ATP8A2: variants seen among roughly 807,000 people sequenced by gnomAD.
ATP8A2 encodes the protein phospholipid-transporting ATPase IB.
ATP8A2 carries 100 observed loss-of-function variants against 165.6 expected under a neutral mutation model. That is an observed-to-expected ratio of 0.60 (90% CI 0.51 to 0.71). The LOEUF is 0.71. ATP8A2 is among the 30% of genes least tolerant of loss of function. The pLI is 0.00. For synonymous variants in ATP8A2, 543 were observed against 548.8 expected (o/e 0.99, Z 0.15); for missense variants, 1,227 against 1,479.5 (o/e 0.83, Z 2.80).
chr13:25,674,614 T>C (rs569205068), intron 24 of ATP8A2, among the ~76,000 whole-genome samples: 1 of 152,280 alleles, frequency 6.6e-6, no homozygotes, highest in Non-Finnish European at 1.5e-5. Flanking sequence ...CTCCTTTCTC[T>C]AAAGAGCATA....
intron 35 of ATP8A2, among the ~76,000 whole-genome samples, chr13:25,993,738 A>C (rs1010548914): frequency 2.6e-5 from 4 of 152,084 alleles, no homozygotes; most frequent in African/African-American, 9.7e-5. Context: ...TGTCTTGATT[A>C]TTGTAATTAT....
At chr13:25,554,551 G>C (rs1038713470) in intron 12 of ATP8A2, among the ~76,000 whole-genome samples, 2 of 151,046 alleles carry the variant, frequency 1.3e-5, no homozygotes, top group Non-Finnish European at 2.9e-5. Context: ...GTGTGTGTGT[G>C]TGTGTGTGTG....
chr13:25,885,078 T>C (rs1229977896), intron 33 of ATP8A2, among the ~76,000 whole-genome samples: 1 of 150,494 alleles, frequency 6.6e-6, no homozygotes, highest in Non-Finnish European at 1.5e-5. Context: ...CTCTCCAGCC[T>C]GAGAGTCAGT....
chr13:26,009,063 C>A (rs1182853734), intron 35 of ATP8A2, among the ~76,000 whole-genome samples: 1 of 152,062 alleles, frequency 6.6e-6, no homozygotes, highest in Non-Finnish European at 1.5e-5. Flanking sequence ...GACTGGAAAG[C>A]TGTTTCTTTT....
chr13:25,689,404 T>C (rs1566049676), intron 24 of ATP8A2, among the ~76,000 whole-genome samples: 1 of 152,198 alleles, frequency 6.6e-6, no homozygotes, highest in East Asian at 1.9e-4. Context: ...CTTAATGACA[T>C]AGTTCATTAA....
chr13:25,401,116 G>A (rs2033622554), intron 1 of ATP8A2, among the ~76,000 whole-genome samples: 1 of 152,158 alleles, frequency 6.6e-6, no homozygotes, highest in South Asian at 2.1e-4. Flanking sequence ...CAGTGAGTGT[G>A]CGGCACAGCT....
intron 23 of ATP8A2, among the ~76,000 whole-genome samples, chr13:25,588,029 G>A (rs1192869861): frequency 2.0e-5 from 3 of 152,054 alleles, no homozygotes; most frequent in Non-Finnish European, 4.4e-5. Flanking sequence ...AAATTATTCA[G>A]TTTGTTTTGG....
intron 25 of ATP8A2, among the ~76,000 whole-genome samples, chr13:25,744,567 T>TA (rs913576489): frequency 6.6e-6 from 1 of 152,182 alleles, no homozygotes; most frequent in African/African-American, 2.4e-5. Flanking sequence ...ACATCAGTGA[T>TA]AAAAATAATT....
chr13:25,453,356 C>T (rs2035279454), intron 1 of ATP8A2, among the ~76,000 whole-genome samples: 1 of 151,908 alleles, frequency 6.6e-6, no homozygotes, highest in Admixed American at 6.6e-5. Flanking sequence ...GAACTCCTGA[C>T]CTCAAGTGAT....
chr13:25,528,943 A>G (rs2037941550), intron 2 of ATP8A2, among the ~76,000 whole-genome samples: 1 of 152,042 alleles, frequency 6.6e-6, no homozygotes, highest in Non-Finnish European at 1.5e-5. Context: ...CATCATTTAT[A>G]TTAGGTGTAT....
At chr13:25,755,822 G>A (rs217896) in intron 25 of ATP8A2, among the ~76,000 whole-genome samples, 113,965 of 151,896 alleles carry the variant, frequency 0.75, 43,490 homozygotes, top group Non-Finnish European at 0.82. Context: ...TAGGAGAATC[G>A]ATTGAACCTG....
At chr13:25,689,999 C>G (rs1216719403) in intron 24 of ATP8A2, among the ~76,000 whole-genome samples, 3 of 152,068 alleles carry the variant, frequency 2.0e-5, no homozygotes, top group Non-Finnish European at 4.4e-5. Context: ...ATTCAAGAAT[C>G]TGTTTGTTTA....
At chr13:25,705,163 G>T (rs1016343573) in intron 25 of ATP8A2, 1 of 434,780 alleles carries the variant, frequency 2.3e-6, no homozygotes, top group South Asian at 1.7e-5. Context: ...TTCTTTGAAG[G>T]TCTTTATTTT....
At chr13:25,928,272 TA>T (rs1954668939) in intron 33 of ATP8A2, among the ~76,000 whole-genome samples, 1 of 152,232 alleles carries the variant, frequency 6.6e-6, no homozygotes, top group Admixed American at 6.5e-5. Context: ...TCATAGATAC[TA>T]GAACCTTTTC....
intron 27 of ATP8A2, among the ~76,000 whole-genome samples, chr13:25,801,882 C>T (rs551408592): frequency 1.3e-5 from 2 of 152,178 alleles, no homozygotes; most frequent in East Asian, 3.9e-4. Context: ...CACATGGCAG[C>T]ATCAAGGAGA....
chr13:25,452,039 G>A, intron 1 of ATP8A2, among the ~76,000 whole-genome samples: 1 of 151,996 alleles, frequency 6.6e-6, no homozygotes, highest in African/African-American at 2.4e-5. Flanking sequence ...ATTTTTAGTA[G>A]AGACGGGGTT....
chr13:25,954,076 C>T (rs192393502), intron 33 of ATP8A2, among the ~76,000 whole-genome samples: 1 of 152,274 alleles, frequency 6.6e-6, no homozygotes, highest in Non-Finnish European at 1.5e-5. Flanking sequence ...GATCCCACCC[C>T]GACGGAGCCC....
At chr13:25,938,008 A>G (rs913457933) in intron 33 of ATP8A2, among the ~76,000 whole-genome samples, 2 of 152,144 alleles carry the variant, frequency 1.3e-5, no homozygotes, top group African/African-American at 4.8e-5. Context: ...ATCAGTCAAA[A>G]GTATTCCTGT....
intron 33 of ATP8A2, among the ~76,000 whole-genome samples, chr13:25,890,916 A>T (rs367835450): frequency 3.3e-5 from 5 of 152,216 alleles, no homozygotes; most frequent in African/African-American, 1.2e-4. Flanking sequence ...CCAAGTTACA[A>T]CCCAGAACAC....
Sources: allele counts gnomAD v4.1 joint callset (sites outside exome capture counted in the v4.1 genomes callset), GRCh38; gene constraint gnomAD v4.1.1; transcripts MANE v1.5; gene names NCBI Gene and HGNC (gene_info 2026-07-23, HGNC 2026-07-21).